The following NPR3 variants were observed in gnomAD, a reference collection of about 807,000 sequenced individuals.
NPR3 encodes the protein natriuretic peptide receptor 3, also known as atrial natriuretic peptide receptor 3.
NPR3 carries 34 observed loss-of-function variants against 54.5 expected under a neutral mutation model. The ratio of observed to expected loss-of-function variants is 0.62; its 90% confidence interval spans 0.47 to 0.83. The LOEUF (loss-of-function observed/expected upper bound fraction) is 0.83, where lower values mean the gene tolerates loss of function less well. NPR3 is among the 40% of genes least tolerant of loss of function. The pLI, the probability that NPR3 is intolerant of heterozygous loss-of-function variation, is 0.00. For synonymous variants in NPR3, 289 were observed against 297.1 expected, an observed-to-expected ratio of 0.97 and a Z score of 0.28; for missense variants, 674 against 720.8, an observed-to-expected ratio of 0.94 and a Z score of 0.74.
chr5:32,750,365 A>G (rs1028816005), intron 3 of NPR3, among the ~76,000 whole-genome samples: 1 of 152,004 alleles, frequency 6.6e-6, no homozygotes, highest in African/African-American at 2.4e-5. Context: ...CCAACTCCCG[A>G]CCTCAGGTGA....
intron 1 of NPR3, among the ~76,000 whole-genome samples, chr5:32,717,929 C>T (rs1738643204): frequency 6.6e-6 from 1 of 152,134 alleles, no homozygotes; most frequent in Admixed American, 6.5e-5. Flanking sequence ...AAGTCCTTGC[C>T]CATGCCTACG....
intron 3 of NPR3, among the ~76,000 whole-genome samples, chr5:32,749,122 T>TA (rs1740446257): frequency 6.6e-6 from 1 of 152,136 alleles, no homozygotes; most frequent in South Asian, 2.1e-4. Context: ...AATACACTTT[T>TA]AAAAAATATT....
chr5:32,729,118 C>T (rs1436743243), intron 2 of NPR3, among the ~76,000 whole-genome samples: 1 of 143,954 alleles, frequency 6.9e-6, no homozygotes, highest in Non-Finnish European at 1.5e-5. Flanking sequence ...CAAGCTCCGC[C>T]TCCCGGGTTC....
chr5:32,768,626 G>T lies in NPR3; in HGVS notation c.1060-6082G>T, dbSNP rs112516785. ...CCTGTCATTACAGGAGGTGAATGAGGGCCCTAACTCTACCTAATGATCTTC... is the reference window on the plus strand; with the variant it reads ...CCTGTCATTACAGGAGGTGAATGAGTGCCCTAACTCTACCTAATGATCTTC... On this transcript the variant is annotated intron_variant, in intron 3 of 7. Coordinates refer to ENST00000265074, the MANE Select transcript of NPR3 (RefSeq NM_001204375.2). 4.9e-3 allele frequency among the ~76,000 whole-genome samples: 750 copies of T among 152,108 alleles called. 4 individuals are homozygous for T. Among genetic ancestry groups the T allele is most frequent in the Non-Finnish European group, 7.7e-3 (526 of 67,990 alleles).
intron 1 of NPR3, among the ~76,000 whole-genome samples, chr5:32,718,080 G>A (rs1247447674): frequency 6.6e-6 from 1 of 152,164 alleles, no homozygotes; most frequent in Non-Finnish European, 1.5e-5. Flanking sequence ...CTTATGGCTA[G>A]TCAATTTTCC....
chr5:32,738,596 A>C (rs1238824721), intron 2 of NPR3, among the ~76,000 whole-genome samples: 1 of 152,144 alleles, frequency 6.6e-6, no homozygotes, highest in Non-Finnish European at 1.5e-5. Flanking sequence ...CAGGGCTGAA[A>C]ATTGCAGTTA....
At position 32,696,485 on chromosome 5, in the gene NPR3, G is replaced by A. The variant is rs1178512532; in HGVS notation, c.100+7299G>A. Among the ~76,000 whole-genome samples the A allele has an allele frequency of 3.3e-5, 5 of 151,478 alleles. No homozygotes were observed. In the East Asian group the frequency reaches 5.8e-4, roughly 18 times the overall value. ...TGCTTAGGATAGCTTTGGCTATTCCGAGTCTTTTGTGGTTCCATATAAACT... is the reference window on the plus strand; with the variant it reads ...TGCTTAGGATAGCTTTGGCTATTCCAAGTCTTTTGTGGTTCCATATAAACT... On this transcript the variant is annotated intron_variant, in intron 1 of 5. Transcript: ENST00000509104.
chr5:32,749,828 C>CT (rs1252745553), intron 3 of NPR3, among the ~76,000 whole-genome samples: 1 of 152,186 alleles, frequency 6.6e-6, no homozygotes. Context: ...AAACTAACGC[C>CT]TTTTGCCTGG....
chr5:32,708,074 T>C (rs955805889), upstream of NPR3, among the ~76,000 whole-genome samples: 18 of 150,544 alleles, frequency 1.2e-4, no homozygotes, highest in African/African-American at 3.7e-4. Context: ...CTAAACCTCA[T>C]AAAAAGTCTA....
intron 3 of NPR3, among the ~76,000 whole-genome samples, chr5:32,758,419 G>A (rs1242606084): frequency 6.6e-6 from 1 of 152,126 alleles, no homozygotes; most frequent in East Asian, 1.9e-4. Context: ...TCTGATGGTA[G>A]TTTGTATTTC....
At chr5:32,758,650 T>C (rs1021862623) in intron 3 of NPR3, among the ~76,000 whole-genome samples, 1 of 152,204 alleles carries the variant, frequency 6.6e-6, no homozygotes, top group Non-Finnish European at 1.5e-5. Context: ...TGCTAGCTTT[T>C]GAATGTGTTT....
At chr5:32,735,978 C>T (rs946738293) in intron 2 of NPR3, among the ~76,000 whole-genome samples, 21 of 152,096 alleles carry the variant, frequency 1.4e-4, no homozygotes, top group African/African-American at 5.1e-4. Context: ...CGCCTGTAAT[C>T]CCAACACTTT....
intron 3 of NPR3, among the ~76,000 whole-genome samples, chr5:32,772,333 A>G (rs1741812138): frequency 6.6e-6 from 1 of 152,226 alleles, no homozygotes. Context: ...TCCACTTAAC[A>G]GATGAGGAAA....
chr5:32,732,937 T>C (rs1293721244), intron 2 of NPR3, among the ~76,000 whole-genome samples: 6 of 152,136 alleles, frequency 3.9e-5, no homozygotes, highest in Admixed American at 6.5e-5. Context: ...CTCTGCCTCC[T>C]ATGTTCAAGC....
chr5:32,742,187 G>A (rs974527283), intron 3 of NPR3, among the ~76,000 whole-genome samples: 5 of 151,856 alleles, frequency 3.3e-5, no homozygotes, highest in African/African-American at 7.3e-5. Context: ...TCTGCTATCC[G>A]TCTTGAATTC....
At chr5:32,756,472 T>A (rs1331017320) in intron 3 of NPR3, among the ~76,000 whole-genome samples, 5 of 152,240 alleles carry the variant, frequency 3.3e-5, no homozygotes, top group African/African-American at 1.2e-4. Flanking sequence ...CCTGTAAATT[T>A]GTTTGAGTTC....
rs983382803 is a variant in NPR3 at position 32,778,221 on chromosome 5, C to T, written c.1196-2501C>T. The stretch of plus-strand genomic sequence containing the variant: ...TCCTGAAACAATCAACTGTGTAGTT[C>T]AGTCTACAATTAGAATCTCATTTGT... On this transcript the variant is annotated intron_variant, in intron 4 of 7. Coordinates refer to ENST00000265074, the MANE Select transcript of NPR3 (RefSeq NM_001204375.2). Among the ~76,000 whole-genome samples, 27 of 152,158 alleles carry T rather than the reference C, an allele frequency of 1.8e-4. 1 individual carries two copies. Among genetic ancestry groups the T allele is most frequent in the Admixed American group, 1.6e-3 (24 of 15,280 alleles).
Position 32,780,817 on chromosome 5 carries a change from G to GT in NPR3, c.1290+2dup, listed in dbSNP as rs1422544415. Reference sequence around the variant, plus strand: ...TGATGTGGAGGCGGGCACCCAGGAGGTGAGCACGTGAGACCTCTGCACCAG... The same window carrying GT: ...TGATGTGGAGGCGGGCACCCAGGAGGTTGAGCACGTGAGACCTCTGCACCAG... On this transcript the variant is annotated splice_donor_variant, in intron 5 of 7. Transcript: ENST00000265074. LOFTEE classifies it high-confidence loss of function. The GT allele has an allele frequency of 7.3e-7, 1 of 1,366,236 alleles. No homozygotes were observed. The highest frequency in any genetic ancestry group is 1.4e-5 in the African/African-American group (1 of 70,126). The allele number at this position is 1,366,236 out of a possible 1,614,324, so 84.6% of individuals were successfully genotyped here. A position where few individuals can be genotyped will look rare whatever the true frequency, so the allele number is the denominator to read the frequency against.
At chr5:32,759,289 T>C (rs969009329) in intron 3 of NPR3, among the ~76,000 whole-genome samples, 1 of 152,234 alleles carries the variant, frequency 6.6e-6, no homozygotes, top group African/African-American at 2.4e-5. Context: ...TGGGTGTTCC[T>C]GTATTGAGTG....
Sources: allele counts gnomAD v4.1 joint callset (sites outside exome capture counted in the v4.1 genomes callset), GRCh38; gene constraint gnomAD v4.1.1; transcripts MANE v1.5; gene names NCBI Gene and HGNC (gene_info 2026-07-23, HGNC 2026-07-21).